NRXN3: variants seen among roughly 807,000 people sequenced by gnomAD.
NRXN3 encodes the protein neurexin 3.
In NRXN3, 32 loss-of-function variants were observed where a neutral mutation model predicts 137.6. That is an observed-to-expected ratio of 0.23 (90% CI 0.18 to 0.31). NRXN3 has a LOEUF of 0.31. Among genes scored for constraint, NRXN3 ranks in the 10% least tolerant of loss-of-function variants. NRXN3 has a pLI of 1.00. For missense variants in NRXN3, 1,574 were observed against 2,062.5 expected (o/e 0.76, Z 4.59); for synonymous variants, 798 against 784.5 (o/e 1.02, Z -0.29).
At chr14:79,715,861 C>A (rs908917371) in intron 19 of NRXN3, among the ~76,000 whole-genome samples, 1 of 152,308 alleles carries the variant, frequency 6.6e-6, no homozygotes, top group South Asian at 2.1e-4. Context: ...AGGACAAGGG[C>A]CAGTGTTCCC....
intron 7 of NRXN3, chr14:78,709,932 A>C (rs1262104703): frequency 4.8e-6 from 2 of 418,300 alleles, no homozygotes; most frequent in Non-Finnish European, 8.7e-6. Context: ...TAGCATTTCC[A>C]CTGCTACCAG....
intron 10 of NRXN3, among the ~76,000 whole-genome samples, chr14:78,952,233 G>T (rs1345134218): frequency 2.0e-5 from 3 of 149,836 alleles, no homozygotes; most frequent in Non-Finnish European, 3.0e-5. Context: ...GATTTAAAAT[G>T]TTTTTTTTTT....
chr14:78,218,591 C>G (rs2063525172), intron 1 of NRXN3, among the ~76,000 whole-genome samples: 1 of 152,148 alleles, frequency 6.6e-6, no homozygotes. Context: ...AAAGCAATAC[C>G]AAAGGCCCCA....
At chr14:78,450,177 A>G (rs1247283992) in intron 4 of NRXN3, among the ~76,000 whole-genome samples, 1 of 152,218 alleles carries the variant, frequency 6.6e-6, no homozygotes, top group African/African-American at 2.4e-5. Flanking sequence ...GGTGTACCGC[A>G]ATATCTCTAA....
At chr14:79,089,772 T>TTC (rs1428855021) in intron 15 of NRXN3, among the ~76,000 whole-genome samples, 1 of 152,156 alleles carries the variant, frequency 6.6e-6, no homozygotes, top group African/African-American at 2.4e-5. Context: ...ATCTTTCTTC[T>TTC]TCTGCACATT....
intron 16 of NRXN3, among the ~76,000 whole-genome samples, chr14:79,576,884 T>C (rs2097669792): frequency 6.6e-6 from 1 of 152,220 alleles, no homozygotes; most frequent in South Asian, 2.1e-4. Flanking sequence ...AGGATGGTCT[T>C]TGAAATATCT....
At chr14:79,835,869 C>T (rs530040981) in intron 20 of NRXN3, among the ~76,000 whole-genome samples, 11 of 152,214 alleles carry the variant, frequency 7.2e-5, no homozygotes, top group African/African-American at 1.9e-4. Context: ...TCATGATAGT[C>T]GCACAGGAAA....
At chr14:79,408,034 T>C (rs143293187) in intron 15 of NRXN3, among the ~76,000 whole-genome samples, 393 of 152,214 alleles carry the variant, frequency 2.6e-3, no homozygotes, top group African/African-American at 9.0e-3. Flanking sequence ...AGCTAGTAAG[T>C]TGAAATTAAG....
intron 10 of NRXN3, among the ~76,000 whole-genome samples, chr14:78,838,702 C>T (rs940106071): frequency 1.3e-5 from 2 of 152,104 alleles, no homozygotes; most frequent in Non-Finnish European, 2.9e-5. Flanking sequence ...AAAGGAAAAG[C>T]TTGTCTTTCT....
chr14:78,920,849 A>T (rs994201184), intron 10 of NRXN3, among the ~76,000 whole-genome samples: 2 of 152,196 alleles, frequency 1.3e-5, no homozygotes, highest in African/African-American at 2.4e-5. Context: ...GAGGAAGAGG[A>T]CCCAGAGCAT....
intron 4 of NRXN3, among the ~76,000 whole-genome samples, chr14:78,318,407 A>G (rs1233641717): frequency 6.6e-6 from 1 of 152,176 alleles, no homozygotes; most frequent in Non-Finnish European, 1.5e-5. Context: ...GTCACCTGAC[A>G]TGGATTGCTA....
In NRXN3 at chr14:79,075,888, C is replaced by A. The variant is rs1475943567; in HGVS notation, c.3262+87747C>A. ...AGTTTTTGAGAGAAATGGAAAATGG[C>A]AGATCAGATGCCATTGGCCGTTTGC... On this transcript the variant is annotated intron_variant, in intron 15 of 20. Transcript: ENST00000335750. 1.3e-5 allele frequency among the ~76,000 whole-genome samples: 2 copies of A among 152,138 alleles called. 1 individual carries two copies. Among genetic ancestry groups the A allele is most frequent in the Non-Finnish European group, 2.9e-5 (2 of 68,038 alleles).
intron 15 of NRXN3, among the ~76,000 whole-genome samples, chr14:79,382,863 T>C (rs1286135960): frequency 2.6e-5 from 4 of 152,162 alleles, no homozygotes; most frequent in Non-Finnish European, 4.4e-5. Context: ...CCTAATTCAA[T>C]TGGCTATTTG....
intron 19 of NRXN3, among the ~76,000 whole-genome samples, chr14:79,768,789 C>T (rs1296384095): frequency 6.6e-6 from 1 of 152,186 alleles, no homozygotes; most frequent in Admixed American, 6.5e-5. Flanking sequence ...CTTTGACGAG[C>T]TGAGAGAAGA....
At chr14:79,381,103 A>C (rs1405453617) in intron 15 of NRXN3, among the ~76,000 whole-genome samples, 1 of 152,066 alleles carries the variant, frequency 6.6e-6, no homozygotes, top group Non-Finnish European at 1.5e-5. Context: ...AGGTTCTATT[A>C]GGTGTTAACA....
At chr14:79,408,086 T>C (rs1413515145) in intron 15 of NRXN3, among the ~76,000 whole-genome samples, 2 of 152,144 alleles carry the variant, frequency 1.3e-5, no homozygotes, top group African/African-American at 4.8e-5. Context: ...ATATACAGTA[T>C]TGAAATTATG....
chr14:78,608,742 G>A (rs967108641), intron 4 of NRXN3, among the ~76,000 whole-genome samples: 5 of 152,122 alleles, frequency 3.3e-5, no homozygotes, highest in South Asian at 2.1e-4. Flanking sequence ...AGCCTGGGTC[G>A]CTCCCCTCTG....
At chr14:79,338,546 T>C (rs1414526394) in intron 15 of NRXN3, among the ~76,000 whole-genome samples, 1 of 152,168 alleles carries the variant, frequency 6.6e-6, no homozygotes, top group Non-Finnish European at 1.5e-5. Flanking sequence ...CATGTGACTT[T>C]GGACAATTTA....
chr14:78,244,184 C>T (rs1488026091), intron 2 of NRXN3, among the ~76,000 whole-genome samples: 1 of 152,136 alleles, frequency 6.6e-6, no homozygotes, highest in African/African-American at 2.4e-5. Context: ...AATCCTAGCA[C>T]TTTGGGAGGC....
Sources: gnomAD v4.1 joint callset for allele counts (sites outside exome capture counted in the v4.1 genomes callset) on GRCh38, gnomAD v4.1.1 for gene constraint, MANE v1.5 for transcripts, NCBI Gene and HGNC (gene_info 2026-07-23, HGNC 2026-07-21) for gene names.